The following ASAP2 variants were observed in gnomAD, a reference collection of about 807,000 sequenced individuals.
ASAP2 encodes arf-GAP with SH3 domain, ANK repeat and PH domain-containing protein 2.
In ASAP2, 45 loss-of-function variants were observed where a neutral mutation model predicts 131.4. The ratio of observed to expected loss-of-function variants is 0.34; its 90% CI spans 0.27 to 0.44. The LOEUF (loss-of-function observed/expected upper bound fraction) is 0.44. ASAP2 is among the 20% of genes least tolerant of loss of function. The probability of loss-of-function intolerance (pLI) is 1.00; values close to 1 mark genes in which losing one functional copy is unlikely to be tolerated. For synonymous variants in ASAP2, 510 were observed against 503.0 expected, an observed-to-expected ratio of 1.01 and a Z score of -0.19; for missense variants, 1,011 against 1,297.0, an observed-to-expected ratio of 0.78 and a Z score of 3.39.
At chr2:9,317,097 CCA>C (rs1434230729) in intron 3 of ASAP2, among the ~76,000 whole-genome samples, 2 of 144,294 alleles carry the variant, frequency 1.4e-5, no homozygotes, top group Admixed American at 6.9e-5. Flanking sequence ...ACACACTCAA[CCA>C]CACTCATACC....
intron 18 of ASAP2, among the ~76,000 whole-genome samples, chr2:9,377,563 T>C (rs1187046729): frequency 1.3e-5 from 2 of 152,188 alleles, no homozygotes; most frequent in Non-Finnish European, 2.9e-5. Flanking sequence ...GCTTCAGTCA[T>C]GTGTTACCTG....
chr2:9,370,886 C>T (rs1411639274), intron 16 of ASAP2, among the ~76,000 whole-genome samples: 2 of 152,190 alleles, frequency 1.3e-5, no homozygotes, highest in African/African-American at 2.4e-5. Context: ...TCCAGCATGG[C>T]GAGGTCATCT....
chr2:9,299,444 A>AG (rs1668350795), intron 3 of ASAP2, among the ~76,000 whole-genome samples: 1 of 152,230 alleles, frequency 6.6e-6, no homozygotes, highest in Non-Finnish European at 1.5e-5. Context: ...CAGACATGCA[A>AG]GGCTTAAAAA....
At chr2:9,364,928 A>T (rs1037268677) in intron 15 of ASAP2, among the ~76,000 whole-genome samples, 6 of 152,142 alleles carry the variant, frequency 3.9e-5, no homozygotes, top group African/African-American at 1.4e-4. Context: ...TAAGAAACTT[A>T]CCCAGTGCAG....
chr2:9,401,154 C>T, intron 26 of ASAP2, 120 bp from the exon 27 acceptor site: 1 of 1,296,154 alleles, frequency 7.7e-7, no homozygotes, highest in Non-Finnish European at 1.1e-6. Context: ...TTGGCATCTG[C>T]AGGCTTCTCA....
intron 3 of ASAP2, among the ~76,000 whole-genome samples, chr2:9,303,737 A>G (rs1668644159): frequency 6.6e-6 from 1 of 152,266 alleles, no homozygotes. Flanking sequence ...GGCTGGTGTC[A>G]GATATCTACA....
intron 24 of ASAP2, among the ~76,000 whole-genome samples, chr2:9,397,920 G>A (rs1001396025): frequency 1.3e-5 from 2 of 150,348 alleles, no homozygotes; most frequent in African/African-American, 2.5e-5. Context: ...CACCACGCCC[G>A]GCTAATTTTT....
chr2:9,393,876 G>A (rs916035175), intron 24 of ASAP2, among the ~76,000 whole-genome samples: 1 of 152,212 alleles, frequency 6.6e-6, no homozygotes, highest in Non-Finnish European at 1.5e-5. Flanking sequence ...CAGACAAAGT[G>A]TCCTCAACAC....
intron 1 of ASAP2, among the ~76,000 whole-genome samples, chr2:9,208,844 G>A (rs1661334226): frequency 6.6e-6 from 1 of 152,214 alleles, no homozygotes; most frequent in Admixed American, 6.5e-5. Context: ...TATTTCTTAA[G>A]GGAAGGAAGC....
Position 9,206,967 on chromosome 2 carries a change from C to T in ASAP2, c.-138C>T, listed in dbSNP as rs1487188162. 2.3e-6 allele frequency: 2 copies of T among 865,972 alleles called. No individual in the cohort carries two copies. Among genetic ancestry groups the T allele is most frequent in the Non-Finnish European group, 2.8e-6 (2 of 721,752 alleles). 53.6% of individuals were successfully genotyped at this position (865,972 alleles called of 1,614,324 possible). A position where few individuals can be genotyped will look rare whatever the true frequency, so the allele number is the denominator to read the frequency against. ...CCGCCGCCAGGCCCCGCGCGGCTCC[C>T]GCGCCCGGCGCTCCCCTTTGTCCGC... On this transcript the variant is annotated 5_prime_UTR_variant, in exon 1 of 28. Transcript: ENST00000281419. This position sits in a 1 kb window ranked among gnomAD's most constrained non-coding sequence, Gnocchi z 4.0.
At chr2:9,341,002 C>T (rs1397561684) in intron 9 of ASAP2, among the ~76,000 whole-genome samples, 1 of 152,208 alleles carries the variant, frequency 6.6e-6, no homozygotes, top group African/African-American at 2.4e-5. Flanking sequence ...AGTCCCTGCA[C>T]GTTGAGGCTT....
At chr2:9,262,786 C>A (rs918968595) in intron 1 of ASAP2, among the ~76,000 whole-genome samples, 1 of 152,206 alleles carries the variant, frequency 6.6e-6, no homozygotes, top group African/African-American at 2.4e-5. Context: ...CCGACTGGGA[C>A]AGAAGCCCCA....
At chr2:9,248,056 C>T (rs531254414) in intron 1 of ASAP2, among the ~76,000 whole-genome samples, 1 of 152,166 alleles carries the variant, frequency 6.6e-6, no homozygotes, top group African/African-American at 2.4e-5. Context: ...CAGCTGTCCT[C>T]GAGTCTGGGA....
chr2:9,257,643 C>T lies in ASAP2; in HGVS notation c.127-21674C>T, dbSNP rs559377529. 5.3e-5 allele frequency among the ~76,000 whole-genome samples: 8 copies of T among 152,250 alleles called. No individual in the cohort carries two copies. The East Asian group carries it at 9.7e-4, about 18-fold the overall frequency. ...AAGCTATTCTCCTGCCTCAGCCTCC[C>T]GAGTAGCTGGGAGTACAAACTCACG... On this transcript the variant is annotated intron_variant, in intron 1 of 27. Coordinates refer to ENST00000281419, the MANE Select transcript of ASAP2 (RefSeq NM_003887.3).
At chr2:9,261,185 AGGGGTAATGCC>A (rs929153558) in intron 1 of ASAP2, among the ~76,000 whole-genome samples, 7 of 152,178 alleles carry the variant, frequency 4.6e-5, no homozygotes, top group African/African-American at 1.4e-4. Flanking sequence ...TAGAGAAAGC[AGGGGTAATGCC>A]GGGTGGTTAT....
At chr2:9,269,622 G>T (rs148583365) in intron 1 of ASAP2, among the ~76,000 whole-genome samples, 236 of 152,352 alleles carry the variant, frequency 1.5e-3, no homozygotes, top group African/African-American at 5.4e-3. Flanking sequence ...TGGTGGCACC[G>T]CCCTCAGGCG....
At chr2:9,378,894 G>T in intron 18 of ASAP2, 50 bp from the exon 19 acceptor site, 1 of 1,308,322 alleles carries the variant, frequency 7.6e-7, no homozygotes, top group Non-Finnish European at 9.9e-7. Flanking sequence ...GTCCCTGGTC[G>T]TCCAGCCTGT....
At chr2:9,221,148 A>G (rs1662386675) in intron 1 of ASAP2, among the ~76,000 whole-genome samples, 2 of 151,884 alleles carry the variant, frequency 1.3e-5, no homozygotes, top group African/African-American at 2.4e-5. Context: ...GCTCCCTTGC[A>G]TTTCCATATG....
At chr2:9,225,627 T>C (rs747536564) in intron 1 of ASAP2, among the ~76,000 whole-genome samples, 10 of 151,908 alleles carry the variant, frequency 6.6e-5, no homozygotes, top group Non-Finnish European at 1.2e-4. Context: ...GGCTTTTGCG[T>C]AGGGGAGTGA....
Sources: allele counts gnomAD v4.1 joint callset (sites outside exome capture counted in the v4.1 genomes callset), GRCh38; gene constraint gnomAD v4.1.1; non-coding constraint Gnocchi (gnomAD v3.1); transcripts MANE v1.5; gene names NCBI Gene and HGNC (gene_info 2026-07-23, HGNC 2026-07-21).